CDC37: variants seen among roughly 807,000 people sequenced by gnomAD.
The protein encoded by CDC37 is hsp90 co-chaperone Cdc37.
Under a neutral mutation model 46.9 loss-of-function variants are expected in CDC37, and 9 were observed. That is an observed-to-expected ratio of 0.19 (90% CI 0.12 to 0.33). The LOEUF (loss-of-function observed/expected upper bound fraction) is 0.33. Ranked by LOEUF, CDC37 falls within the 10% of genes least tolerant of loss-of-function variation. CDC37 has a pLI of 1.00. For synonymous variants in CDC37, 193 were observed against 191.0 expected, an observed-to-expected ratio of 1.01 and a Z score of -0.09; for missense variants, 388 against 514.6, an observed-to-expected ratio of 0.75 and a Z score of 2.38.
chr19:10,391,199 G>T lies in CDC37; in HGVS notation c.*352C>A. 1 of 321,246 alleles carries T rather than the reference G, an allele frequency of 3.1e-6. No individual in the cohort carries two copies. The highest frequency in any genetic ancestry group is 5.9e-6 in the Non-Finnish European group (1 of 169,084). The allele number at this position is 321,246 out of a possible 1,614,324, so 19.9% of individuals were successfully genotyped here. On this transcript the variant is annotated 3_prime_UTR_variant, in exon 8 of 8. Transcript: ENST00000222005. ...CAAATAGAAGACACAGACAGCAGAC[G>T]AACAGTGAAAACAGAGCCCAGTGAC...
At chr19:10,397,415 C>CTTTTT (rs933052804) in intron 1 of CDC37, among the ~76,000 whole-genome samples, 12 of 86,824 alleles carry the variant, frequency 1.4e-4, no homozygotes, top group Admixed American at 3.9e-4. Context: ...CCAAGCCTGG[C>CTTTTT]TTTTTTTTTT....
chr19:10,401,200 C>T (rs996341363), intron 1 of CDC37, among the ~76,000 whole-genome samples: 1 of 152,136 alleles, frequency 6.6e-6, no homozygotes, highest in Non-Finnish European at 1.5e-5. Flanking sequence ...CCATATTATC[C>T]CAGGTTTCAC....
chr19:10,400,761 C>G (rs2042514637), intron 1 of CDC37: 1 of 151,734 alleles, frequency 6.6e-6, no homozygotes, highest in Non-Finnish European at 1.5e-5. Flanking sequence ...CTTCTGGGCT[C>G]AAATGATCCT....
In CDC37 at chr19:10,395,128, C is replaced by T. The variant is rs1377115855; in HGVS notation, c.619G>A (p.Glu207Lys). Reference protein sequence around the residue: ...LEVEEKCALMEQVAHQTIVMQ... With the variant: ...LEVEEKCALMKQVAHQTIVMQ... ...ACGATTGTCTGGTGGGCCACCTGCTCCATGAGTGCACATTTCTGCCAGGAA... is the reference window on the plus strand; with the variant it reads ...ACGATTGTCTGGTGGGCCACCTGCTTCATGAGTGCACATTTCTGCCAGGAA... Residue 207 changes from glutamate (E) to lysine (K), a missense_variant, in exon 5 of 8, where the codon GAG becomes AAG. Around this residue, in one of 2 missense-constraint regions of CDC37, gnomAD observed 374 missense variants for 467.4 expected, o/e 0.80. Coordinates refer to ENST00000222005, the MANE Select transcript of CDC37 (RefSeq NM_007065.4). The T allele has an allele frequency of 6.3e-7, 1 of 1,593,986 alleles. No individual in the cohort carries two copies. The highest frequency in any genetic ancestry group is 1.1e-5 in the South Asian group (1 of 88,612).
rs1384083129 is a variant in CDC37, at chr19:10,392,049, G to C, written c.982-343C>G. On this transcript the variant is annotated intron_variant, in intron 7 of 7. Coordinates refer to ENST00000222005, the MANE Select transcript of CDC37 (RefSeq NM_007065.4). ...ACTCCTGCCCTTAGGTGATCTGCCT[G>C]CCTTGGCCTCCCAAAGCACTGAGAT... is the stretch of plus-strand genomic sequence containing the variant. 4.6e-5 allele frequency among the ~76,000 whole-genome samples: 7 copies of C among 152,120 alleles called. No homozygotes were observed. The South Asian group carries it at 6.2e-4, about 14-fold the overall frequency.
rs2042469367 is a variant in CDC37 at position 10,393,394 on chromosome 19, G to A, written c.774C>T (p.Ala258=). The A allele has an allele frequency of 6.2e-7, 1 of 1,613,906 alleles. No homozygotes were observed. Among genetic ancestry groups the A allele is most frequent in the South Asian group, 1.1e-5 (1 of 91,086 alleles). The change falls in exon 6 of 8, where the codon GCC becomes GCT. Residue 258 remains alanine (A), a synonymous_variant. Coordinates refer to ENST00000222005, the MANE Select transcript of CDC37 (RefSeq NM_007065.4). This position sits in a 1 kb window ranked among gnomAD's most constrained non-coding sequence, Gnocchi z 4.9. ...CACGGCCCCGCACACGCTCCTTGAA[G>A]GCTTCCAGCTCGTCGTTGAAGCCCT... ...YMEGFNDELE[A]FKERVRGRAK... is the part of the protein sequence containing the mutation.
intron 5 of CDC37, among the ~76,000 whole-genome samples, chr19:10,394,616 A>T (rs1256088900): frequency 6.6e-6 from 1 of 152,006 alleles, no homozygotes; most frequent in Non-Finnish European, 1.5e-5. Flanking sequence ...GGCTCACAGC[A>T]ACCTCTGCCT....
chr19:10,402,640 G>C (rs1028191246), intron 1 of CDC37, among the ~76,000 whole-genome samples: 70 of 152,258 alleles, frequency 4.6e-4, no homozygotes, highest in African/African-American at 1.7e-3. Flanking sequence ...ATGGGAAATG[G>C]GTCTACCGGA....
Position 10,403,536 on chromosome 19 carries a change from G to A in CDC37, c.-57C>T. On this transcript the variant is annotated 5_prime_UTR_variant, in exon 1 of 8. Transcript: ENST00000222005. The stretch of plus-strand genomic sequence containing the variant: ...GGGTGGCGGCGACGGCGGCAGCAGT[G>A]GAGACTAGGAGCGCGGAGCCCCGCC... 7.6e-7 allele frequency: 1 copy of A among 1,312,276 alleles called. No individual in the cohort carries two copies. Among genetic ancestry groups the A allele is most frequent in the Non-Finnish European group, 1.1e-6 (1 of 918,876 alleles). 81.3% of individuals were successfully genotyped at this position (1,312,276 alleles called of 1,614,324 possible).
Position 10,393,637 on chromosome 19 carries a change from C to T in CDC37, c.727-196G>A. ...TCTGGCATTTGCCAAAGACCACCTG[C>T]TTGGGAGCCCTGCTCTACTGCAGAT... On this transcript the variant is annotated intron_variant, in intron 5 of 7. Coordinates refer to ENST00000222005, the MANE Select transcript of CDC37 (RefSeq NM_007065.4). The surrounding 1 kb of genome is among the most constrained non-coding windows in gnomAD (Gnocchi z 4.9). The T allele has an allele frequency of 1.7e-6, 1 of 576,282 alleles. No homozygotes were observed. Among genetic ancestry groups the T allele is most frequent in the African/African-American group, 1.9e-5 (1 of 52,990 alleles). The allele number at this position is 576,282 out of a possible 1,614,324, so 35.7% of individuals were successfully genotyped here.
chr19:10,392,717 A>T, intron 7 of CDC37: 1 of 275,246 alleles, frequency 3.6e-6, no homozygotes, highest in Non-Finnish European at 7.0e-6. Flanking sequence ...AAAAACAAGT[A>T]GACAAAATCC....
intron 5 of CDC37, among the ~76,000 whole-genome samples, chr19:10,394,539 T>A (rs28382786): frequency 0.018 from 2,807 of 151,816 alleles, 84 homozygotes; most frequent in African/African-American, 0.063. Context: ...TTAATTTATT[T>A]ATTTATTTAT....
Position 10,395,157 on chromosome 19 carries a change from C to G in CDC37, c.604-14G>C, listed in dbSNP as rs766090745. On this transcript the variant is annotated splice_polypyrimidine_tract_variant and intron_variant, in intron 4 of 7. Transcript: ENST00000222005. ...GAGTGCACATTTCTGCCAGGAAGAA[C>G]AGGCACAGCGTCACCAAGTGGCGGC... The G allele has an allele frequency of 1.2e-6, 2 of 1,605,762 alleles. No homozygotes were observed. The highest frequency in any genetic ancestry group is 1.1e-5 in the South Asian group (1 of 90,658).
chr19:10,392,473 G>C (rs1468604525), intron 7 of CDC37, among the ~76,000 whole-genome samples: 1 of 152,194 alleles, frequency 6.6e-6, no homozygotes, highest in African/African-American at 2.4e-5. Context: ...AGTGAGCCAA[G>C]TGGTAGGAAT....
Position 10,393,275 on chromosome 19 carries a change from T to C in CDC37, c.893A>G (p.Tyr298Cys), listed in dbSNP as rs1454131942. The change falls in exon 6 of 8, where the codon TAC becomes TGC. Residue 298 changes from tyrosine (Y) to cysteine (C), a missense_variant. Tyr to Cys is a radical substitution (Grantham distance 194). Transcript: ENST00000222005. The surrounding 1 kb of genome is among the most constrained non-coding windows in gnomAD (Gnocchi z 4.9). ...GAGCCCCACCTCAGGGAGGGACTCG[T>C]AGACCTCGACGGGGTCCAGGCCGCC... is the stretch of plus-strand genomic sequence containing the variant. ...GPGGLDPVEV[Y>C]ESLPEELQKC... The C allele has an allele frequency of 6.2e-7, 1 of 1,613,158 alleles. No individual in the cohort carries two copies. The highest frequency in any genetic ancestry group is 8.5e-7 in the Non-Finnish European group (1 of 1,179,594).
intron 7 of CDC37, among the ~76,000 whole-genome samples, chr19:10,392,404 T>G (rs1442349665): frequency 6.6e-6 from 1 of 152,122 alleles, no homozygotes; most frequent in Admixed American, 6.6e-5. Flanking sequence ...TTCTAGAAAC[T>G]CAGGGCCAGT....
chr19:10,395,166 C>A (rs992473284), intron 4 of CDC37, 23 bp from the exon 5 acceptor site: 1 of 1,609,962 alleles, frequency 6.2e-7, no homozygotes, highest in Non-Finnish European at 8.5e-7. Flanking sequence ...ACAGGCACAG[C>A]GTCACCAAGT....
At chr19:10,395,585 C>A (rs764523965) in intron 2 of CDC37, 42 bp from the exon 3 acceptor site, 4 of 1,487,088 alleles carry the variant, frequency 2.7e-6, no homozygotes, top group South Asian at 1.1e-5. Flanking sequence ...GGCAAGGCTG[C>A]GGAGCGCCTC....
chr19:10,401,936 A>G (rs1454717829), intron 1 of CDC37, among the ~76,000 whole-genome samples: 2 of 151,988 alleles, frequency 1.3e-5, no homozygotes, highest in East Asian at 3.9e-4. Context: ...GGGTGGATCA[A>G]CTGAGGTCGG....
Sources: allele counts gnomAD v4.1 joint callset (sites outside exome capture counted in the v4.1 genomes callset), GRCh38; gene constraint gnomAD v4.1.1; regional missense constraint gnomAD v4.1.1; non-coding constraint Gnocchi (gnomAD v3.1); transcripts MANE v1.5; gene names NCBI Gene and HGNC (gene_info 2026-07-23, HGNC 2026-07-21).